Variants in QTMAN observed in about 807,000 individuals in gnomAD.
QTMAN encodes the protein queuosine-tRNA mannosyltransferase, also known as tRNA-queuosine alpha-mannosyltransferase.
At chr2:144,248,098 T>C in the QTMAN span, among the ~76,000 whole-genome samples, 1 of 152,236 alleles carries the variant, frequency 6.6e-6, no homozygotes, top group African/African-American at 2.4e-5. Context: ...GTCATGTTCA[T>C]GAAGATGTTT....
At chr2:143,973,408 TTATAAA>T in the QTMAN span, among the ~76,000 whole-genome samples, 1 of 152,200 alleles carries the variant, frequency 6.6e-6, no homozygotes, top group Non-Finnish European at 1.5e-5. Context: ...AAATTACATA[TTATAAA>T]TATACAAGTT....
At chr2:143,957,159 T>C in the QTMAN span, 5 of 1,522,864 alleles carry the variant, frequency 3.3e-6, no homozygotes, top group Non-Finnish European at 3.5e-6. Flanking sequence ...TGATTAGAGA[T>C]TGCTTTATCA....
At chr2:144,125,080 A>G in the QTMAN span, among the ~76,000 whole-genome samples, 1 of 152,080 alleles carries the variant, frequency 6.6e-6, no homozygotes, top group Non-Finnish European at 1.5e-5. Flanking sequence ...TGCCATGCCC[A>G]TGGCAGACAT....
the QTMAN span, among the ~76,000 whole-genome samples, chr2:144,262,015 G>A: frequency 6.6e-6 from 1 of 152,238 alleles, no homozygotes; most frequent in East Asian, 1.9e-4. Context: ...GAAGAAAGGA[G>A]GAGCATTAAC....
At chr2:144,153,736 C>T in the QTMAN span, among the ~76,000 whole-genome samples, 1 of 152,104 alleles carries the variant, frequency 6.6e-6, no homozygotes. Context: ...TCATTTAAAT[C>T]CATGGCTTTC....
the QTMAN span, chr2:144,332,517 CTCCCCCGCG>C: frequency 6.8e-6 from 1 of 147,812 alleles, no homozygotes; most frequent in Non-Finnish European, 1.5e-5. Flanking sequence ...CGCCGTGCCC[CTCCCCCGCG>C]GCCGCCGCGG....
the QTMAN span, among the ~76,000 whole-genome samples, chr2:144,227,765 A>C: frequency 6.6e-6 from 1 of 152,216 alleles, no homozygotes; most frequent in South Asian, 2.1e-4. Context: ...GGAATTAAGG[A>C]AGTACAGCAG....
the QTMAN span, among the ~76,000 whole-genome samples, chr2:144,074,205 G>T: frequency 6.6e-6 from 1 of 152,152 alleles, no homozygotes; most frequent in African/African-American, 2.4e-5. Context: ...TTGATTTTAA[G>T]AATTTAGGAG....
chr2:143,946,841 TATTTA>T, the QTMAN span: 2 of 549,758 alleles, frequency 3.6e-6, no homozygotes, highest in Non-Finnish European at 6.5e-6. Flanking sequence ...TAGGAATCTG[TATTTA>T]ATTTGAGTTG....
At chr2:144,066,726 G>T in the QTMAN span, among the ~76,000 whole-genome samples, 2 of 152,250 alleles carry the variant, frequency 1.3e-5, no homozygotes, top group Non-Finnish European at 1.5e-5. Flanking sequence ...TGAGGCAGGA[G>T]AATTGCTTGA....
the QTMAN span, among the ~76,000 whole-genome samples, chr2:144,280,008 C>T: frequency 6.6e-6 from 1 of 152,104 alleles, no homozygotes; most frequent in African/African-American, 2.4e-5. Flanking sequence ...GGGAACTCAG[C>T]ACAAAGAGAA....
chr2:144,108,115 A>T, the QTMAN span, among the ~76,000 whole-genome samples: 1 of 152,214 alleles, frequency 6.6e-6, no homozygotes. Flanking sequence ...CAAAATCATA[A>T]GAGCTATTTA....
the QTMAN span, among the ~76,000 whole-genome samples, chr2:144,303,513 C>G: frequency 6.6e-6 from 1 of 152,014 alleles, no homozygotes; most frequent in African/African-American, 2.4e-5. Flanking sequence ...AAGTCTAAAG[C>G]ACATAAGTCT....
the QTMAN span, among the ~76,000 whole-genome samples, chr2:144,069,306 A>C: frequency 6.6e-6 from 1 of 152,028 alleles, no homozygotes; most frequent in Non-Finnish European, 1.5e-5. Context: ...ACAAAAAAAA[A>C]AAAAAAACAC....
the QTMAN span, among the ~76,000 whole-genome samples, chr2:144,065,953 G>T: frequency 1.3e-5 from 2 of 152,242 alleles, no homozygotes; most frequent in African/African-American, 4.8e-5. Context: ...CGGTGGCCAT[G>T]AGAGCAGGGT....
chr2:144,220,755 A>T, the QTMAN span, among the ~76,000 whole-genome samples: 2 of 152,164 alleles, frequency 1.3e-5, no homozygotes, highest in Admixed American at 6.5e-5. Context: ...CACAGTTAAC[A>T]AACAGCCTGA....
the QTMAN span, chr2:144,177,358 G>A: frequency 2.4e-5 from 14 of 578,654 alleles, no homozygotes; most frequent in Admixed American, 3.3e-4. Flanking sequence ...ACTCTGTGGG[G>A]TTTGGGGGTA....
chr2:144,135,591 T>C, the QTMAN span, among the ~76,000 whole-genome samples: 1 of 152,130 alleles, frequency 6.6e-6, no homozygotes, highest in Non-Finnish European at 1.5e-5. Context: ...CTTTTAAAAA[T>C]ATGCTTTCAA....
chr2:143,970,155 T>G, the QTMAN span, among the ~76,000 whole-genome samples: 1 of 152,176 alleles, frequency 6.6e-6, no homozygotes, highest in Non-Finnish European at 1.5e-5. Context: ...GCTTCCGATT[T>G]TTGTCTTTCT....
Sources: gnomAD v4.1 joint callset for allele counts (sites outside exome capture counted in the v4.1 genomes callset) on GRCh38, gnomAD v4.1.1 for gene constraint, MANE v1.5 for transcripts, NCBI Gene and HGNC (gene_info 2026-07-23, HGNC 2026-07-21) for gene names.